The following LRMDA variants were observed in gnomAD, a reference collection of about 807,000 sequenced individuals.
LRMDA encodes leucine-rich melanocyte differentiation-associated protein.
LRMDA carries 18 observed loss-of-function variants against 29.8 expected under a neutral mutation model. The ratio of observed to expected loss-of-function variants is 0.60; its 90% CI spans 0.42 to 0.90. The LOEUF (loss-of-function observed/expected upper bound fraction) is 0.90. LRMDA is among the 40% of genes least tolerant of loss of function. The pLI is 0.00. For synonymous variants in LRMDA, 125 were observed against 109.4 expected (o/e 1.14, Z -0.89); for missense variants, 273 against 273.9 (o/e 1.00, Z 0.02).
intron 5 of LRMDA, among the ~76,000 whole-genome samples, chr10:76,113,017 G>A (rs142450009): frequency 6.6e-6 from 1 of 152,292 alleles, no homozygotes; most frequent in Non-Finnish European, 1.5e-5. Flanking sequence ...CCAAACCAGA[G>A]GACTTAACCT....
intron 5 of LRMDA, among the ~76,000 whole-genome samples, chr10:76,194,364 A>G (rs1434465363): frequency 6.6e-6 from 1 of 152,084 alleles, no homozygotes; most frequent in Non-Finnish European, 1.5e-5. Context: ...TGCTTCCATT[A>G]TTTTTTTGTC....
chr10:75,637,872 T>C (rs920955259), intron 2 of LRMDA, among the ~76,000 whole-genome samples: 1 of 152,152 alleles, frequency 6.6e-6, no homozygotes, highest in African/African-American at 2.4e-5. Flanking sequence ...TGGAGGCGCC[T>C]GACAGCAACC....
At chr10:76,059,435 T>C (rs763065364) in intron 5 of LRMDA, among the ~76,000 whole-genome samples, 1 of 152,154 alleles carries the variant, frequency 6.6e-6, no homozygotes, top group Non-Finnish European at 1.5e-5. Flanking sequence ...GGGTCTTGGA[T>C]TCAGACACAA....
intron 5 of LRMDA, among the ~76,000 whole-genome samples, chr10:76,130,177 G>A (rs1266886588): frequency 1.3e-5 from 2 of 151,008 alleles, no homozygotes; most frequent in East Asian, 1.9e-4. Context: ...AAGATACTGG[G>A]TGCAGGACGA....
At chr10:75,553,599 C>A (rs777897961) in intron 2 of LRMDA, among the ~76,000 whole-genome samples, 5 of 152,150 alleles carry the variant, frequency 3.3e-5, no homozygotes, top group Non-Finnish European at 7.4e-5. Context: ...TCTGTCCCTC[C>A]TCCAGGGCAG....
intron 5 of LRMDA, among the ~76,000 whole-genome samples, chr10:76,198,751 T>C (rs1375466661): frequency 6.6e-6 from 1 of 152,218 alleles, no homozygotes; most frequent in Non-Finnish European, 1.5e-5. Context: ...CATATGTTTA[T>C]AAATTATCCT....
chr10:76,419,946 C>T (rs980443496), intron 6 of LRMDA, among the ~76,000 whole-genome samples: 5 of 152,028 alleles, frequency 3.3e-5, no homozygotes, highest in Non-Finnish European at 5.9e-5. Context: ...CATATATGAA[C>T]ACAAAATTGA....
rs1842899297 is a variant in LRMDA at position 76,499,923 on chromosome 10, G to A, written c.602-57286G>A. Reference sequence around the variant, plus strand: ...TCTCACTCTGTAACCTAGACTGAGGGCACTGGCATGATTGTAGCTTACTAC... The same window carrying A: ...TCTCACTCTGTAACCTAGACTGAGGACACTGGCATGATTGTAGCTTACTAC... On this transcript the variant is annotated intron_variant, in intron 6 of 6. Transcript: ENST00000611255. Among the ~76,000 whole-genome samples, 2 of 75,018 alleles carry A rather than the reference G, an allele frequency of 2.7e-5. 1 individual carries two copies. The highest frequency in any genetic ancestry group is 6.5e-5 in the African/African-American group (2 of 30,890). The allele number at this position is 75,018 out of a possible 152,430, so 49.2% of individuals were successfully genotyped here. A position where few individuals can be genotyped will look rare whatever the true frequency, so the allele number is the denominator to read the frequency against.
intron 2 of LRMDA, among the ~76,000 whole-genome samples, chr10:75,621,213 CA>C (rs1841179233): frequency 2.4e-5 from 3 of 125,940 alleles, no homozygotes; most frequent in Non-Finnish European, 5.3e-5. Context: ...CACACACACA[CA>C]CACACACACA....
chr10:75,669,779 G>A (rs768163797), intron 2 of LRMDA, among the ~76,000 whole-genome samples: 1 of 152,096 alleles, frequency 6.6e-6, no homozygotes, highest in Non-Finnish European at 1.5e-5. Context: ...TTTAATGTTG[G>A]TAACTTGATT....
At chr10:76,102,049 C>A (rs1013223363) in intron 5 of LRMDA, among the ~76,000 whole-genome samples, 8 of 152,106 alleles carry the variant, frequency 5.3e-5, no homozygotes, top group Non-Finnish European at 1.2e-4. Flanking sequence ...TAAATGACTT[C>A]TTTCACTTAG....
At chr10:76,360,947 GC>G (rs1841303602) in intron 6 of LRMDA, among the ~76,000 whole-genome samples, 2 of 152,092 alleles carry the variant, frequency 1.3e-5, no homozygotes, top group African/African-American at 4.8e-5. Flanking sequence ...GTTGAGGACA[GC>G]ATGCTAACAT....
At chr10:75,635,907 A>G (rs2132116051) in intron 2 of LRMDA, among the ~76,000 whole-genome samples, 1 of 152,222 alleles carries the variant, frequency 6.6e-6, no homozygotes, top group Non-Finnish European at 1.5e-5. Context: ...AGCCATGTCC[A>G]AAGTCTCAAT....
intron 6 of LRMDA, among the ~76,000 whole-genome samples, chr10:76,344,974 T>TA (rs1033479122): frequency 7.0e-6 from 1 of 142,068 alleles, no homozygotes; most frequent in Admixed American, 7.1e-5. Flanking sequence ...AACCCAGATA[T>TA]AAAAAGCAAA....
At chr10:76,037,800 G>A (rs1848277746) in intron 3 of LRMDA, among the ~76,000 whole-genome samples, 2 of 152,222 alleles carry the variant, frequency 1.3e-5, no homozygotes, top group Middle Eastern at 3.4e-3. Context: ...CATCATTTTG[G>A]GGATTAGAAT....
intron 2 of LRMDA, among the ~76,000 whole-genome samples, chr10:75,916,254 T>G (rs1217577563): frequency 6.6e-6 from 1 of 151,888 alleles, no homozygotes; most frequent in African/African-American, 2.4e-5. Flanking sequence ...CCCTGAAGGA[T>G]GCTGCTCCTG....
At chr10:75,720,185 G>A (rs1402695709) in intron 2 of LRMDA, among the ~76,000 whole-genome samples, 1 of 152,024 alleles carries the variant, frequency 6.6e-6, no homozygotes, top group Non-Finnish European at 1.5e-5. Context: ...ATCCTGAGAC[G>A]GCACATCAAA....
intron 6 of LRMDA, among the ~76,000 whole-genome samples, chr10:76,444,364 A>T (rs969328254): frequency 3.9e-5 from 6 of 152,172 alleles, no homozygotes; most frequent in African/African-American, 1.2e-4. Flanking sequence ...TGGGAATCAC[A>T]AAGGCTATGG....
At chr10:75,737,248 C>T (rs1334551208) in intron 2 of LRMDA, among the ~76,000 whole-genome samples, 1 of 152,208 alleles carries the variant, frequency 6.6e-6, no homozygotes, top group African/African-American at 2.4e-5. Context: ...CTTTGTCAAC[C>T]CTTTCTAATC....
Sources: allele counts gnomAD v4.1 joint callset (sites outside exome capture counted in the v4.1 genomes callset), GRCh38; gene constraint gnomAD v4.1.1; transcripts MANE v1.5; gene names NCBI Gene and HGNC (gene_info 2026-07-23, HGNC 2026-07-21).